Variants in FLYWCH1 observed in about 807,000 individuals in gnomAD.
FLYWCH1 encodes FLYWCH-type zinc finger 1.
Under a neutral mutation model 66.4 loss-of-function variants are expected in FLYWCH1, and 75 were observed. The observed-to-expected ratio is 1.13, with a 90% confidence interval of 0.94 to 1.37. The LOEUF (loss-of-function observed/expected upper bound fraction) is 1.37, where lower values mean the gene tolerates loss of function less well. Ranked by LOEUF, FLYWCH1 falls within the 40% of genes most tolerant of loss-of-function variation. The probability of loss-of-function intolerance (pLI) is 0.00; values close to 1 mark genes in which losing one functional copy is unlikely to be tolerated. For missense variants in FLYWCH1, 1,334 were observed against 1,001.8 expected, an observed-to-expected ratio of 1.33 and a Z score of -4.48; for synonymous variants, 595 against 429.9, an observed-to-expected ratio of 1.38 and a Z score of -4.75.
chr16:2,926,179 A>G (rs976346623), intron 2 of FLYWCH1, among the ~76,000 whole-genome samples: 7 of 152,230 alleles, frequency 4.6e-5, no homozygotes, highest in African/African-American at 1.7e-4. Flanking sequence ...TGTACAGAAA[A>G]TCTAACTATG....
intron 6 of FLYWCH1, chr16:2,935,316 T>G (rs956511101): frequency 7.9e-5 from 12 of 152,362 alleles, no homozygotes; most frequent in African/African-American, 2.9e-4. Context: ...GTCTTCTCTG[T>G]GGGGTGGCAG....
chr16:2,928,403 G>T (rs1225867510), intron 2 of FLYWCH1, among the ~76,000 whole-genome samples: 3 of 152,186 alleles, frequency 2.0e-5, no homozygotes. Context: ...ACAATACCTA[G>T]GCTTTCTTGG....
rs2071591900 is a variant in FLYWCH1 at position 2,948,866 on chromosome 16, TCAGGAGGTCTCC to T, written c.*147_*158del. On this transcript the variant is annotated 3_prime_UTR_variant, in exon 10 of 10. Transcript: ENST00000253928. ...AAGCATCGATGGTCTTCGCGTCTCC[TCAGGAGGTCTCC>T]CAGGAGGAATTCTTGGATGGTGTCC... 4.3e-6 allele frequency: 3 copies of T among 700,508 alleles called. No homozygotes were observed. Among genetic ancestry groups the T allele is most frequent in the Non-Finnish European group, 7.4e-6 (3 of 407,112 alleles). 43.4% of individuals were successfully genotyped at this position (700,508 alleles called of 1,614,324 possible).
intron 2 of FLYWCH1, among the ~76,000 whole-genome samples, chr16:2,921,051 C>A (rs1382202528): frequency 6.6e-6 from 1 of 151,528 alleles, no homozygotes; most frequent in Non-Finnish European, 1.5e-5. Flanking sequence ...CTGTGTTAGC[C>A]CGGATGGTCT....
chr16:2,931,187 C>T (rs1596373384), intron 4 of FLYWCH1, among the ~76,000 whole-genome samples: 1 of 151,548 alleles, frequency 6.6e-6, no homozygotes, highest in East Asian at 1.9e-4. Context: ...CCTGTAATCC[C>T]AGCTACTCAG....
intron 9 of FLYWCH1, among the ~76,000 whole-genome samples, chr16:2,947,263 C>T (rs2071523180): frequency 6.6e-6 from 1 of 152,138 alleles, no homozygotes; most frequent in Non-Finnish European, 1.5e-5. Flanking sequence ...ACGAAATGCC[C>T]AGAATAGGCA....
At chr16:2,945,858 G>T (rs1045520238) in intron 9 of FLYWCH1, among the ~76,000 whole-genome samples, 1 of 151,756 alleles carries the variant, frequency 6.6e-6, no homozygotes, top group Non-Finnish European at 1.5e-5. Flanking sequence ...TTAGCCGAGC[G>T]TGGTGGCAGG....
At chr16:2,934,585 C>T (rs2070917926) in intron 6 of FLYWCH1, 1 of 453,458 alleles carries the variant, frequency 2.2e-6, no homozygotes, top group Non-Finnish European at 4.4e-6. Context: ...TGGCCTCCTC[C>T]ACTCACCTGC....
intron 9 of FLYWCH1, among the ~76,000 whole-genome samples, chr16:2,946,615 G>C (rs7203202): frequency 0.066 from 10,021 of 152,048 alleles, 377 homozygotes; most frequent in Non-Finnish European, 0.078. Flanking sequence ...GAGCCACTGT[G>C]CCTGGCCCAG....
intron 8 of FLYWCH1, among the ~76,000 whole-genome samples, chr16:2,939,508 A>C (rs1030468147): frequency 4.0e-5 from 3 of 75,716 alleles, no homozygotes; most frequent in Admixed American, 1.4e-4. Context: ...AAACCTTGAA[A>C]GAAAACAGCC....
At chr16:2,923,614 G>A (rs1007396982) in intron 2 of FLYWCH1, among the ~76,000 whole-genome samples, 22 of 152,244 alleles carry the variant, frequency 1.4e-4, no homozygotes, top group Middle Eastern at 3.4e-3. Context: ...TGTTTCCCTC[G>A]TTACAAGCCA....
At position 2,948,722 on chromosome 16, in the gene FLYWCH1, C is replaced by T. The variant is rs2071586517; in HGVS notation, c.2146C>T (p.Gln716Ter). 1 of 1,613,868 alleles carries T rather than the reference C, an allele frequency of 6.2e-7. No individual in the cohort carries two copies. The highest frequency in any genetic ancestry group is 2.2e-5 in the East Asian group (1 of 44,886). ...AGACGTCAGACTGGATGGCGAGTCC[C>T]AGTGAGGCGATGTGGGCAGAGGAGC... ...IKDVRLDGES[Q>*] The change falls in exon 10 of 10, where the codon CAG (glutamine) becomes TAG (stop). Residue 716 changes from glutamine to a stop codon, truncating the protein, a stop_gained. Transcript: ENST00000253928. LOFTEE classifies it high-confidence loss of function.
intron 2 of FLYWCH1, among the ~76,000 whole-genome samples, chr16:2,921,833 A>G (rs912303759): frequency 1.3e-5 from 2 of 152,148 alleles, no homozygotes; most frequent in Admixed American, 1.3e-4. Context: ...GGAGGCCAAG[A>G]CAGGCAGATC....
chr16:2,944,661 A>T (rs1442592482), intron 9 of FLYWCH1, among the ~76,000 whole-genome samples: 6 of 151,644 alleles, frequency 4.0e-5, no homozygotes, highest in African/African-American at 1.5e-4. Context: ...CGTCTCTACT[A>T]AAAATACAAA....
intron 6 of FLYWCH1, chr16:2,936,756 C>T (rs1481488111): frequency 2.0e-6 from 1 of 491,656 alleles, no homozygotes; most frequent in South Asian, 1.5e-5. Context: ...GCTTTGTCCC[C>T]AGAGGGCCCC....
intron 2 of FLYWCH1, among the ~76,000 whole-genome samples, chr16:2,915,975 A>G (rs1444260870): frequency 1.3e-5 from 2 of 152,134 alleles, no homozygotes; most frequent in African/African-American, 2.4e-5. Context: ...TAGTGCAGCA[A>G]TAGTACTGAT....
At chr16:2,920,105 T>A (rs1817477448) in intron 2 of FLYWCH1, among the ~76,000 whole-genome samples, 1 of 152,152 alleles carries the variant, frequency 6.6e-6, no homozygotes, top group African/African-American at 2.4e-5. Flanking sequence ...ATTTTAGTAT[T>A]ATAGTCTTAA....
chr16:2,931,085 A>G (rs2070746157), intron 4 of FLYWCH1, among the ~76,000 whole-genome samples: 1 of 152,120 alleles, frequency 6.6e-6, no homozygotes, highest in African/African-American at 2.4e-5. Flanking sequence ...CGGACGGATC[A>G]TGAGGTCAGG....
chr16:2,941,570 A>AT (rs540782049), intron 9 of FLYWCH1, among the ~76,000 whole-genome samples: 37 of 151,318 alleles, frequency 2.4e-4, no homozygotes, highest in Admixed American at 2.0e-3. Context: ...ACAGAGCAAG[A>AT]TCCCATCTCT....
Sources: gnomAD v4.1 joint callset for allele counts (sites outside exome capture counted in the v4.1 genomes callset) on GRCh38, gnomAD v4.1.1 for gene constraint, MANE v1.5 for transcripts, NCBI Gene and HGNC (gene_info 2026-07-23, HGNC 2026-07-21) for gene names.